MOB3B: variants seen among roughly 807,000 people sequenced by gnomAD.
MOB3B encodes MOB kinase activator 3B.
MOB3B carries 7 observed loss-of-function variants against 18.7 expected under a neutral mutation model. That is an observed-to-expected ratio of 0.37 (90% CI 0.21 to 0.70). The LOEUF is 0.70. Among genes scored for constraint, MOB3B ranks in the 30% least tolerant of loss-of-function variants. MOB3B has a pLI of 0.52. For synonymous variants in MOB3B, 111 were observed against 99.9 expected, an observed-to-expected ratio of 1.11 and a Z score of -0.66; for missense variants, 253 against 281.3, an observed-to-expected ratio of 0.90 and a Z score of 0.72.
chr9:27,365,151 T>C (rs1490565204), intron 2 of MOB3B, among the ~76,000 whole-genome samples: 2 of 59,166 alleles, frequency 3.4e-5, no homozygotes, highest in African/African-American at 1.3e-4. Flanking sequence ...TCATCTCCTG[T>C]TTGGGGGAGG....
At chr9:27,378,529 G>C in intron 2 of MOB3B, 1 of 471,108 alleles carries the variant, frequency 2.1e-6, no homozygotes, top group Non-Finnish European at 4.4e-6. Context: ...TTGGAACCAG[G>C]GGGCAGCTTG....
At chr9:27,410,371 A>G (rs1367058246) in intron 2 of MOB3B, among the ~76,000 whole-genome samples, 1 of 152,220 alleles carries the variant, frequency 6.6e-6, no homozygotes, top group African/African-American at 2.4e-5. Context: ...TCTGATGAAG[A>G]TGATGGCATG....
At chr9:27,363,042 C>T (rs1424089832) in intron 2 of MOB3B, among the ~76,000 whole-genome samples, 1 of 152,184 alleles carries the variant, frequency 6.6e-6, no homozygotes, top group African/African-American at 2.4e-5. Context: ...ATACAGCTTG[C>T]TGACCCACTC....
rs1484677838 is a variant in MOB3B, at chr9:27,327,032, C to T, written c.*3555G>A. 1 of 153,124 alleles carries T rather than the reference C, an allele frequency of 6.5e-6. No individual in the cohort carries two copies. The highest frequency in any genetic ancestry group is 2.4e-5 in the African/African-American group (1 of 41,472). 9.5% of individuals were successfully genotyped at this position (153,124 alleles called of 1,614,324 possible). ...AAAATAAAAGCGTTGAATATTTCAC[C>T]TCTGGCTACAGGGAGCATACAAATC... On this transcript the variant is annotated 3_prime_UTR_variant, in exon 4 of 4. Transcript: ENST00000262244.
intron 3 of MOB3B, among the ~76,000 whole-genome samples, chr9:27,342,677 G>C (rs372992195): frequency 6.6e-6 from 1 of 152,112 alleles, no homozygotes; most frequent in Non-Finnish European, 1.5e-5. Context: ...CTTGTTGGCC[G>C]GGCTGGTCTC....
At chr9:27,351,791 G>A (rs970708713) in intron 3 of MOB3B, among the ~76,000 whole-genome samples, 4 of 152,290 alleles carry the variant, frequency 2.6e-5, no homozygotes, top group African/African-American at 9.6e-5. Context: ...GTGTATGTGT[G>A]GCCTGGCTAC....
At chr9:27,485,594 C>G (rs1391959147) in intron 1 of MOB3B, among the ~76,000 whole-genome samples, 2 of 152,268 alleles carry the variant, frequency 1.3e-5, no homozygotes, top group East Asian at 3.9e-4. Flanking sequence ...ACTTTCATAT[C>G]GACTTTTGTG....
chr9:27,456,463 C>CA (rs2131451051), intron 1 of MOB3B, among the ~76,000 whole-genome samples: 1 of 152,304 alleles, frequency 6.6e-6, no homozygotes, highest in East Asian at 1.9e-4. Flanking sequence ...AAAAGAGAGA[C>CA]AGTGAGAAGA....
chr9:27,450,691 G>A (rs1411299039), intron 2 of MOB3B, among the ~76,000 whole-genome samples: 1 of 152,186 alleles, frequency 6.6e-6, no homozygotes, highest in African/African-American at 2.4e-5. Context: ...TGGCAGCATA[G>A]GACAAAGGCA....
At chr9:27,380,533 C>T (rs900082299) in intron 2 of MOB3B, among the ~76,000 whole-genome samples, 7 of 152,118 alleles carry the variant, frequency 4.6e-5, no homozygotes, top group East Asian at 1.9e-4. Context: ...CACCACGCCC[C>T]GCCAAGAGAT....
intron 2 of MOB3B, among the ~76,000 whole-genome samples, chr9:27,396,097 G>A (rs1821794402): frequency 6.6e-6 from 1 of 151,436 alleles, no homozygotes; most frequent in Non-Finnish European, 1.5e-5. Context: ...AAGAATAAAT[G>A]AATTTGGTTA....
chr9:27,483,893 A>G (rs1040509480), intron 1 of MOB3B, among the ~76,000 whole-genome samples: 2 of 152,210 alleles, frequency 1.3e-5, no homozygotes, highest in African/African-American at 2.4e-5. Flanking sequence ...CTCGCCCTTC[A>G]TGAATGAAAT....
At chr9:27,492,364 C>G (rs1263413916) in intron 1 of MOB3B, among the ~76,000 whole-genome samples, 3 of 151,988 alleles carry the variant, frequency 2.0e-5, no homozygotes, top group Non-Finnish European at 4.4e-5. Context: ...AAAATAAACC[C>G]TAAGAATAAA....
chr9:27,333,621 A>C (rs1820820793), intron 3 of MOB3B, among the ~76,000 whole-genome samples: 1 of 152,222 alleles, frequency 6.6e-6, no homozygotes, highest in Non-Finnish European at 1.5e-5. Flanking sequence ...GCTTCTGAGA[A>C]AGTTCCTGGT....
intron 2 of MOB3B, among the ~76,000 whole-genome samples, chr9:27,396,273 T>C (rs10812584): frequency 0.22 from 33,624 of 152,138 alleles, 4,753 homozygotes; most frequent in East Asian, 0.67. Flanking sequence ...ATTTCTTGTA[T>C]TATTTTTTAT....
chr9:27,413,123 A>C (rs891242919), intron 2 of MOB3B, among the ~76,000 whole-genome samples: 7 of 152,228 alleles, frequency 4.6e-5, no homozygotes, highest in African/African-American at 1.4e-4. Flanking sequence ...AATAGCAGTC[A>C]GTAGTGGGAG....
chr9:27,365,224 A>G (rs1437776098), intron 2 of MOB3B, among the ~76,000 whole-genome samples: 1 of 151,096 alleles, frequency 6.6e-6, no homozygotes, highest in Non-Finnish European at 1.5e-5. Context: ...CCTGATATAT[A>G]TAGTCCTGGC....
At chr9:27,420,570 TATATATATATATATATATATATATATGGA>T (rs1822231247) in intron 2 of MOB3B, among the ~76,000 whole-genome samples, 1 of 121,212 alleles carries the variant, frequency 8.3e-6, no homozygotes. Context: ...TATATATATA[TATATATATATATATATATATATATATGGA>T]ATACTACACA....
chr9:27,345,716 A>T (rs1477809762), intron 3 of MOB3B, among the ~76,000 whole-genome samples: 3 of 152,176 alleles, frequency 2.0e-5, no homozygotes, highest in African/African-American at 7.2e-5. Context: ...AGCACCTAGG[A>T]TTGGCTCCTT....
Sources: gnomAD v4.1 joint callset for allele counts (sites outside exome capture counted in the v4.1 genomes callset) on GRCh38, gnomAD v4.1.1 for gene constraint, MANE v1.5 for transcripts, NCBI Gene and HGNC (gene_info 2026-07-23, HGNC 2026-07-21) for gene names.